CTNNA2: variants seen among roughly 807,000 people sequenced by gnomAD.
The protein encoded by CTNNA2 is catenin alpha 2, also known as catenin alpha-2.
Under a neutral mutation model 101.0 loss-of-function variants are expected in CTNNA2, and 42 were observed. That is an observed-to-expected ratio of 0.42 (90% CI 0.32 to 0.54). CTNNA2 has a LOEUF of 0.54. Ranked by LOEUF, CTNNA2 falls within the 20% of genes least tolerant of loss-of-function variation. The pLI is 0.14. For missense variants in CTNNA2, 871 were observed against 1,223.1 expected (o/e 0.71, Z 4.29); for synonymous variants, 450 against 456.4 (o/e 0.99, Z 0.18).
chr2:80,226,981 G>T (rs190690014), intron 7 of CTNNA2, among the ~76,000 whole-genome samples: 148 of 152,224 alleles, frequency 9.7e-4, no homozygotes, highest in African/African-American at 3.5e-3. Flanking sequence ...TGTTATCATG[G>T]ATGCTAAACT....
intron 4 of CTNNA2, among the ~76,000 whole-genome samples, chr2:79,486,537 G>A (rs928676654): frequency 2.0e-5 from 3 of 152,094 alleles, no homozygotes; most frequent in African/African-American, 7.2e-5. Context: ...ATAAACATAC[G>A]TGGGCATGTG....
chr2:79,198,387 G>A (rs962910682), intron 2 of CTNNA2, among the ~76,000 whole-genome samples: 3 of 152,078 alleles, frequency 2.0e-5, no homozygotes, highest in Non-Finnish European at 4.4e-5. Flanking sequence ...ACAACATGAA[G>A]TTGTATTTTC....
chr2:80,069,550 G>A (rs948684125), intron 7 of CTNNA2, among the ~76,000 whole-genome samples: 13 of 152,282 alleles, frequency 8.5e-5, no homozygotes, highest in African/African-American at 3.1e-4. Context: ...AAAAGAAGGT[G>A]AAATCTTTGT....
At chr2:79,583,544 G>A (rs1285339159) in intron 1 of CTNNA2, among the ~76,000 whole-genome samples, 1 of 151,950 alleles carries the variant, frequency 6.6e-6, no homozygotes, top group African/African-American at 2.4e-5. Flanking sequence ...TAGGAGTATT[G>A]ACCTAGGTTT....
At chr2:80,197,205 T>C (rs1177944998) in intron 7 of CTNNA2, among the ~76,000 whole-genome samples, 1 of 152,204 alleles carries the variant, frequency 6.6e-6, no homozygotes, top group African/African-American at 2.4e-5. Context: ...GCTGCTTAGA[T>C]AGTAGGATCT....
At chr2:79,647,129 C>T (rs780316326) in intron 1 of CTNNA2, among the ~76,000 whole-genome samples, 23 of 152,128 alleles carry the variant, frequency 1.5e-4, no homozygotes, top group Non-Finnish European at 2.5e-4. Context: ...GACTATATAT[C>T]ATTTTATCCT....
intron 18 of CTNNA2, among the ~76,000 whole-genome samples, chr2:80,635,836 G>A (rs968974491): frequency 6.6e-6 from 1 of 152,110 alleles, no homozygotes; most frequent in Admixed American, 6.6e-5. Context: ...GGACCTGATT[G>A]ATTGGGCATA....
At chr2:79,451,087 G>A (rs931412016) in intron 4 of CTNNA2, among the ~76,000 whole-genome samples, 1 of 152,044 alleles carries the variant, frequency 6.6e-6, no homozygotes, top group African/African-American at 2.4e-5. Flanking sequence ...TCAGACATGG[G>A]GAGAATGTGC....
At chr2:79,772,121 T>G (rs1673634253) in intron 3 of CTNNA2, among the ~76,000 whole-genome samples, 1 of 152,068 alleles carries the variant, frequency 6.6e-6, no homozygotes, top group African/African-American at 2.4e-5. Context: ...CCTCTTACCT[T>G]TTGTCCATCC....
Position 80,303,369 on chromosome 2 carries a change from C to T in CTNNA2, c.1057-89842C>T, listed in dbSNP as rs1249630357. ...CCGTGGAAGAGGTCGGGCGCGAGCG[C>T]CTGCAGCTTGTTGTACGAGAGGTCC... On this transcript the variant is annotated intron_variant, in intron 7 of 18. Transcript: ENST00000402739. This position sits in a 1 kb window ranked among gnomAD's most constrained non-coding sequence, Gnocchi z 7.7. 6.2e-6 allele frequency: 10 copies of T among 1,614,120 alleles called. No individual in the cohort carries two copies. Among genetic ancestry groups the T allele is most frequent in the Non-Finnish European group, 7.6e-6 (9 of 1,180,046 alleles).
intron 3 of CTNNA2, among the ~76,000 whole-genome samples, chr2:79,753,494 C>A (rs147420801): frequency 6.6e-6 from 1 of 152,210 alleles, no homozygotes. Flanking sequence ...TCTCCACATT[C>A]TCTTAAGCCA....
At chr2:80,569,828 G>A (rs1694416753) in intron 12 of CTNNA2, among the ~76,000 whole-genome samples, 2 of 150,930 alleles carry the variant, frequency 1.3e-5, no homozygotes, top group Non-Finnish European at 3.0e-5. Context: ...ATTTTTAGTA[G>A]AGACGGGGTT....
intron 7 of CTNNA2, among the ~76,000 whole-genome samples, chr2:80,323,411 T>C (rs1408654264): frequency 6.6e-6 from 1 of 152,110 alleles, no homozygotes; most frequent in Non-Finnish European, 1.5e-5. Context: ...CTTTCCTCCT[T>C]GCTTGCCTGC....
chr2:79,946,931 A>G (rs1442667493), intron 7 of CTNNA2, among the ~76,000 whole-genome samples: 1 of 152,236 alleles, frequency 6.6e-6, no homozygotes, highest in Admixed American at 6.5e-5. Flanking sequence ...AAGGAGACAG[A>G]CATCGTTATG....
intron 4 of CTNNA2, among the ~76,000 whole-genome samples, chr2:79,421,829 A>G (rs866028996): frequency 6.6e-6 from 1 of 152,126 alleles, no homozygotes; most frequent in Non-Finnish European, 1.5e-5. Flanking sequence ...CTATGAATGG[A>G]CAATATATAC....
At chr2:79,528,828 G>T (rs1273695652) in intron 1 of CTNNA2, among the ~76,000 whole-genome samples, 1 of 152,066 alleles carries the variant, frequency 6.6e-6, no homozygotes, top group Non-Finnish European at 1.5e-5. Context: ...TTTCTTAATT[G>T]CCTTTCTTAG....
intron 2 of CTNNA2, among the ~76,000 whole-genome samples, chr2:79,284,954 T>C (rs1675520738): frequency 8.3e-6 from 1 of 120,500 alleles, no homozygotes; most frequent in Non-Finnish European, 1.7e-5. Context: ...TATTGGTCTA[T>C]TCAGAGATTC....
rs1380140131 is a variant in CTNNA2, at chr2:80,302,935, G to T, written c.1057-90276G>T. The T allele has an allele frequency of 4.3e-6, 7 of 1,613,896 alleles. No homozygotes were observed. Among genetic ancestry groups the T allele is most frequent in the Non-Finnish European group, 5.9e-6 (7 of 1,180,026 alleles). On this transcript the variant is annotated intron_variant, in intron 7 of 18. Transcript: ENST00000402739. The surrounding 1 kb of genome is among the most constrained non-coding windows in gnomAD (Gnocchi z 6.4). ...TCCAAGAGTTGAGGATCCGGGGCTC[G>T]ATGTAGGTGAGGCGGTTGGAGTCCA...
At chr2:80,587,342 A>T (rs1197692747) in intron 14 of CTNNA2, among the ~76,000 whole-genome samples, 21 of 152,148 alleles carry the variant, frequency 1.4e-4, no homozygotes, top group Non-Finnish European at 2.9e-5. Flanking sequence ...CCCTTTCCCT[A>T]TAGCAACTAA....
Sources: allele counts gnomAD v4.1 joint callset (sites outside exome capture counted in the v4.1 genomes callset), GRCh38; gene constraint gnomAD v4.1.1; non-coding constraint Gnocchi (gnomAD v3.1); transcripts MANE v1.5; gene names NCBI Gene and HGNC (gene_info 2026-07-23, HGNC 2026-07-21).